The following ARID5B variants were observed in gnomAD, a reference collection of about 807,000 sequenced individuals.
ARID5B encodes the protein AT-rich interaction domain 5B.
A neutral mutation model predicts 97.2 loss-of-function variants in ARID5B; 13 were observed. The observed-to-expected ratio is 0.13, with a 90% CI of 0.09 to 0.21. The LOEUF (loss-of-function observed/expected upper bound fraction) is 0.21, where lower values mean the gene tolerates loss of function less well. Among genes scored for constraint, ARID5B ranks in the 10% least tolerant of loss-of-function variants. The pLI is 1.00. For missense variants in ARID5B, 1,210 were observed against 1,465.3 expected, an observed-to-expected ratio of 0.83 and a Z score of 2.84; for synonymous variants, 556 against 570.3, an observed-to-expected ratio of 0.97 and a Z score of 0.36.
intron 3 of ARID5B, among the ~76,000 whole-genome samples, chr10:61,949,493 C>T (rs10821934): frequency 0.061 from 9,259 of 152,116 alleles, 366 homozygotes; most frequent in South Asian, 0.12. Context: ...CAAAATTAGA[C>T]GGGTATGGTA....
chr10:61,975,263 G>A (rs1191236698), intron 3 of ARID5B, among the ~76,000 whole-genome samples: 1 of 152,146 alleles, frequency 6.6e-6, no homozygotes, highest in Non-Finnish European at 1.5e-5. Context: ...GGTTACCAAA[G>A]ATTAGCCCCT....
chr10:61,995,851 T>C (rs1240204910), intron 3 of ARID5B, among the ~76,000 whole-genome samples: 1 of 152,186 alleles, frequency 6.6e-6, no homozygotes, highest in Non-Finnish European at 1.5e-5. Flanking sequence ...TTCTCCAGTT[T>C]GGTAAATATT....
chr10:62,076,500 T>G (rs1840136772), intron 8 of ARID5B, among the ~76,000 whole-genome samples: 1 of 143,830 alleles, frequency 7.0e-6, no homozygotes, highest in African/African-American at 2.5e-5. Flanking sequence ...AGTGGAGGGT[T>G]GCAGTGAGCC....
chr10:61,955,870 C>T (rs951367296), intron 3 of ARID5B, among the ~76,000 whole-genome samples: 1 of 152,074 alleles, frequency 6.6e-6, no homozygotes, highest in Non-Finnish European at 1.5e-5. Context: ...AGGCTGGTCT[C>T]GAACTCCTGA....
At chr10:61,934,316 T>C (rs1844261528) in intron 2 of ARID5B, among the ~76,000 whole-genome samples, 1 of 152,236 alleles carries the variant, frequency 6.6e-6, no homozygotes, top group Non-Finnish European at 1.5e-5. Context: ...CTGTTTTGCC[T>C]TCTTATCATT....
At chr10:62,003,576 T>TA (rs1316819322) in intron 4 of ARID5B, among the ~76,000 whole-genome samples, 1 of 152,234 alleles carries the variant, frequency 6.6e-6, no homozygotes, top group Non-Finnish European at 1.5e-5. Flanking sequence ...GTTCTGCCTC[T>TA]AGTCACTATC....
chr10:61,944,155 C>G (rs143405689), intron 3 of ARID5B, among the ~76,000 whole-genome samples: 8 of 152,130 alleles, frequency 5.3e-5, no homozygotes, highest in African/African-American at 1.9e-4. Flanking sequence ...ATTTTACCTT[C>G]TTTCAGACTG....
At chr10:61,937,260 T>C (rs1242699508) in intron 2 of ARID5B, among the ~76,000 whole-genome samples, 3 of 152,198 alleles carry the variant, frequency 2.0e-5, no homozygotes, top group Admixed American at 1.3e-4. Context: ...TTTTGGCCTT[T>C]ATTTTATTTT....
intron 4 of ARID5B, among the ~76,000 whole-genome samples, chr10:62,035,766 G>T (rs914182435): frequency 1.3e-5 from 2 of 151,894 alleles, no homozygotes; most frequent in Non-Finnish European, 2.9e-5. Context: ...ATTGACAAGG[G>T]TTTTCTCACC....
At chr10:62,043,194 T>A (rs1030136109) in intron 4 of ARID5B, among the ~76,000 whole-genome samples, 4 of 152,114 alleles carry the variant, frequency 2.6e-5, no homozygotes, top group Non-Finnish European at 5.9e-5. Flanking sequence ...TGGCATAGAT[T>A]TCAATCTCTT....
intron 4 of ARID5B, chr10:62,025,090 A>G (rs1364303389): frequency 6.3e-6 from 1 of 157,514 alleles, no homozygotes; most frequent in Non-Finnish European, 1.4e-5. Flanking sequence ...TGGAATGGCC[A>G]TAAACATTGT....
At chr10:61,918,204 T>C (rs1843944267) in intron 2 of ARID5B, among the ~76,000 whole-genome samples, 1 of 152,238 alleles carries the variant, frequency 6.6e-6, no homozygotes, top group Admixed American at 6.5e-5. Flanking sequence ...TGTTTTCTCT[T>C]TCTAGTTAAA....
Position 62,094,011 on chromosome 10 carries a change from T to C in ARID5B, c.*981T>C, listed in dbSNP as rs1347041472. The C allele has an allele frequency of 8.6e-6, 2 of 233,598 alleles. No homozygotes were observed. The highest frequency in any genetic ancestry group is 6.0e-5 in the East Asian group (1 of 16,580). 14.5% of individuals were successfully genotyped at this position (233,598 alleles called of 1,614,324 possible). A position where few individuals can be genotyped will look rare whatever the true frequency, so the allele number is the denominator to read the frequency against. ...TGAAGTATTGGGTTCTGTGAAAATA[T>C]TGAGCATTGTACTTACCTTATCTAG... On this transcript the variant is annotated 3_prime_UTR_variant, in exon 10 of 10. Coordinates refer to ENST00000279873, the MANE Select transcript of ARID5B (RefSeq NM_032199.3).
intron 2 of ARID5B, among the ~76,000 whole-genome samples, chr10:61,932,172 C>T (rs533506716): frequency 6.6e-6 from 1 of 152,074 alleles, no homozygotes; most frequent in Non-Finnish European, 1.5e-5. Context: ...ACATTTACAC[C>T]ATACTGTAGT....
intron 4 of ARID5B, among the ~76,000 whole-genome samples, chr10:62,005,382 A>T (rs571217605): frequency 2.0e-5 from 3 of 152,334 alleles, no homozygotes; most frequent in East Asian, 1.9e-4. Context: ...ACTTGATTTT[A>T]AAAAACCCTC....
At chr10:62,049,278 G>A in intron 4 of ARID5B, 1 of 1,447,696 alleles carries the variant, frequency 6.9e-7, no homozygotes, top group Non-Finnish European at 9.1e-7. Context: ...CTCGGTGCTA[G>A]TCACTGCTGT....
chr10:61,994,610 G>A (rs577956561), intron 3 of ARID5B, among the ~76,000 whole-genome samples: 25 of 152,036 alleles, frequency 1.6e-4, no homozygotes, highest in South Asian at 4.1e-4. Context: ...CTTTCTCCCC[G>A]ACTCCTTCCC....
At chr10:62,016,810 G>A (rs1839290261) in intron 4 of ARID5B, among the ~76,000 whole-genome samples, 1 of 152,162 alleles carries the variant, frequency 6.6e-6, no homozygotes, top group Non-Finnish European at 1.5e-5. Flanking sequence ...TCAGTACAGT[G>A]GGTTGTGTGG....
intron 4 of ARID5B, among the ~76,000 whole-genome samples, chr10:62,045,331 T>G (rs1346151703): frequency 6.6e-6 from 1 of 152,188 alleles, no homozygotes; most frequent in Non-Finnish European, 1.5e-5. Context: ...AGAGGAAGTT[T>G]CCAAATAGTT....
Sources: allele counts gnomAD v4.1 joint callset (sites outside exome capture counted in the v4.1 genomes callset), GRCh38; gene constraint gnomAD v4.1.1; transcripts MANE v1.5; gene names NCBI Gene and HGNC (gene_info 2026-07-23, HGNC 2026-07-21).